Variants in PAPPA2 observed in about 807,000 individuals in gnomAD.
The protein encoded by PAPPA2 is pappalysin 2, also known as pappalysin-2.
A neutral mutation model predicts 176.4 loss-of-function variants in PAPPA2; 86 were observed. The ratio of observed to expected loss-of-function variants is 0.49; its 90% CI spans 0.41 to 0.58. The LOEUF is 0.58. PAPPA2 is among the 20% of genes least tolerant of loss of function. The pLI, the probability that PAPPA2 is intolerant of heterozygous loss-of-function variation, is 0.00. For synonymous variants in PAPPA2, 809 were observed against 852.2 expected, an observed-to-expected ratio of 0.95 and a Z score of 0.88; for missense variants, 2,073 against 2,256.9, an observed-to-expected ratio of 0.92 and a Z score of 1.65.
Position 176,556,680 on chromosome 1 carries a change from G to C in PAPPA2, c.358G>C (p.Gly120Arg), listed in dbSNP as rs1558434804. The C allele has an allele frequency of 6.2e-7, 1 of 1,614,166 alleles. No individual in the cohort carries two copies. Among genetic ancestry groups the C allele is most frequent in the East Asian group, 2.2e-5 (1 of 44,872 alleles). Residue 120 changes from glycine to arginine, a missense_variant, in exon 2 of 23, where the codon GGT (glycine) becomes CGT (arginine). By Grantham distance (125) the Gly-to-Arg change is moderately radical. Around this residue, in one of 4 missense-constraint regions of PAPPA2, gnomAD observed 1,196 missense variants for 1,330.4 expected, o/e 0.90. Coordinates refer to ENST00000367662, the MANE Select transcript of PAPPA2 (RefSeq NM_020318.3). ...DLTENPAGLR[G>R]AVEEPAAPWV... ...GACTGAAAATCCAGCAGGACTGAGG[G>C]GTGCAGTTGAAGAGCCGGCTGCCCC...
At chr1:176,500,483 ATATACATTTATATATAATTTATT>A (rs1188061952) in intron 1 of PAPPA2, among the ~76,000 whole-genome samples, 7 of 148,272 alleles carry the variant, frequency 4.7e-5, no homozygotes, top group East Asian at 3.9e-4. Context: ...ATATTTATAT[ATATACATTTATATATAATTTATT>A]TATACATTTA....
At chr1:176,625,000 G>A (rs1446679727) in intron 3 of PAPPA2, among the ~76,000 whole-genome samples, 1 of 152,182 alleles carries the variant, frequency 6.6e-6, no homozygotes, top group Non-Finnish European at 1.5e-5. Context: ...CCTCCACACA[G>A]GGATGATATC....
chr1:176,712,132 T>G, intron 12 of PAPPA2, 151 bp downstream of exon 12: 1 of 942,228 alleles, frequency 1.1e-6, no homozygotes, highest in Non-Finnish European at 1.5e-6. Flanking sequence ...TGAGTTTATT[T>G]TCACCTCTCT....
chr1:176,530,019 C>T (rs1649724082), intron 1 of PAPPA2, among the ~76,000 whole-genome samples: 1 of 152,166 alleles, frequency 6.6e-6, no homozygotes, highest in Non-Finnish European at 1.5e-5. Context: ...AACATTACTT[C>T]ACACACATTC....
intron 3 of PAPPA2, among the ~76,000 whole-genome samples, chr1:176,638,609 C>G (rs1252735769): frequency 6.6e-6 from 1 of 151,902 alleles, no homozygotes; most frequent in African/African-American, 2.4e-5. Context: ...TGACTTGAAC[C>G]CTCCTTCATG....
intron 3 of PAPPA2, among the ~76,000 whole-genome samples, chr1:176,669,559 A>G (rs182409759): frequency 1.3e-5 from 2 of 152,276 alleles, no homozygotes; most frequent in East Asian, 1.9e-4. Flanking sequence ...ATCACATATG[A>G]TATCATCTCA....
intron 3 of PAPPA2, among the ~76,000 whole-genome samples, chr1:176,639,716 TTTC>T (rs1253441803): frequency 1.0e-3 from 155 of 147,670 alleles, no homozygotes; most frequent in African/African-American, 3.6e-3. Flanking sequence ...TTTCTTTTTC[TTTC>T]TTTTTTTTTT....
chr1:176,598,296 C>T (rs186434350), intron 3 of PAPPA2, among the ~76,000 whole-genome samples: 4 of 152,030 alleles, frequency 2.6e-5, no homozygotes, highest in Admixed American at 2.0e-4. Flanking sequence ...TTCCTGTACA[C>T]CTCCAAATAT....
At chr1:176,701,782 G>T (rs1409177724) in intron 8 of PAPPA2, among the ~76,000 whole-genome samples, 1 of 152,122 alleles carries the variant, frequency 6.6e-6, no homozygotes, top group African/African-American at 2.4e-5. Flanking sequence ...GCTTGACTTT[G>T]GTGGTAGTTT....
At chr1:176,678,279 A>C (rs925068884) in intron 4 of PAPPA2, among the ~76,000 whole-genome samples, 4 of 152,210 alleles carry the variant, frequency 2.6e-5, no homozygotes, top group African/African-American at 9.6e-5. Context: ...TAGGTTTAAT[A>C]GTAGCAAAGA....
Position 176,604,402 on chromosome 1 carries a change from A to G in PAPPA2, c.1991+8807A>G, listed in dbSNP as rs139883445. 5.8e-4 allele frequency among the ~76,000 whole-genome samples: 88 copies of G among 152,358 alleles called. 1 individual carries two copies. The highest frequency in any genetic ancestry group is 2.1e-3 in the African/African-American group (86 of 41,588). On this transcript the variant is annotated intron_variant, in intron 3 of 22. Transcript: ENST00000367662. ...ACACCTACAACAGCAAAAGGAACAG[A>G]CTAAGTATTCAATAAATAATTGTTA... is the stretch of plus-strand genomic sequence containing the variant.
At chr1:176,709,533 G>A (rs1481829328) in intron 10 of PAPPA2, among the ~76,000 whole-genome samples, 1 of 152,068 alleles carries the variant, frequency 6.6e-6, no homozygotes, top group African/African-American at 2.4e-5. Flanking sequence ...AACCCCCCGT[G>A]ATACTTTAAT....
intron 21 of PAPPA2, among the ~76,000 whole-genome samples, chr1:176,813,139 G>T (rs1017854238): frequency 6.6e-6 from 1 of 152,148 alleles, no homozygotes; most frequent in Non-Finnish European, 1.5e-5. Context: ...TTTTATGGCT[G>T]CATAGTATTC....
At chr1:176,748,604 G>T (rs1359289202) in intron 14 of PAPPA2, among the ~76,000 whole-genome samples, 1 of 151,912 alleles carries the variant, frequency 6.6e-6, no homozygotes, top group Non-Finnish European at 1.5e-5. Context: ...GTGTTTCCTA[G>T]AAAATAAAAT....
chr1:176,662,241 C>T (rs1214406922), intron 3 of PAPPA2, among the ~76,000 whole-genome samples: 3 of 152,148 alleles, frequency 2.0e-5, no homozygotes, highest in African/African-American at 7.2e-5. Flanking sequence ...CTTATGCTAA[C>T]TTGAAGTAAT....
chr1:176,721,806 C>A (rs917242583), intron 12 of PAPPA2, among the ~76,000 whole-genome samples: 2 of 151,812 alleles, frequency 1.3e-5, no homozygotes, highest in East Asian at 3.9e-4. Flanking sequence ...GTCTTAGTTT[C>A]AAAAAAATTT....
chr1:176,802,349 A>C (rs1430072653), intron 21 of PAPPA2, among the ~76,000 whole-genome samples: 2 of 152,182 alleles, frequency 1.3e-5, no homozygotes, highest in Admixed American at 6.5e-5. Context: ...ATAAGTAATA[A>C]AAAATGCAAA....
At chr1:176,717,653 T>C (rs1022128889) in intron 12 of PAPPA2, among the ~76,000 whole-genome samples, 11 of 152,244 alleles carry the variant, frequency 7.2e-5, no homozygotes, top group African/African-American at 2.4e-4. Flanking sequence ...TAAGCCCCAG[T>C]TTGGGGGCTT....
chr1:176,739,398 G>A (rs979147157), intron 12 of PAPPA2, among the ~76,000 whole-genome samples: 2 of 152,076 alleles, frequency 1.3e-5, no homozygotes, highest in Admixed American at 6.6e-5. Flanking sequence ...CTCAGAAAAA[G>A]ATAGGATGTT....
Sources: gnomAD v4.1 joint callset for allele counts (sites outside exome capture counted in the v4.1 genomes callset) on GRCh38, gnomAD v4.1.1 for gene constraint, gnomAD v4.1.1 regional missense constraint, MANE v1.5 for transcripts, NCBI Gene and HGNC (gene_info 2026-07-23, HGNC 2026-07-21) for gene names.